The following GYPC variants were observed in gnomAD, a reference collection of about 807,000 sequenced individuals.
The protein encoded by GYPC is glycophorin-C.
A neutral mutation model predicts 12.6 loss-of-function variants in GYPC; 14 were observed. That is an observed-to-expected ratio of 1.11 (90% CI 0.74 to 1.74). GYPC has a LOEUF of 1.74. Ranked by LOEUF, GYPC falls within the 40% of genes most tolerant of loss-of-function variation. The pLI, the probability that GYPC is intolerant of heterozygous loss-of-function variation, is 0.00. For synonymous variants in GYPC, 78 were observed against 62.1 expected, an observed-to-expected ratio of 1.26 and a Z score of -1.20; for missense variants, 225 against 172.1, an observed-to-expected ratio of 1.31 and a Z score of -1.72.
intron 1 of GYPC, among the ~76,000 whole-genome samples, chr2:126,681,471 A>G (rs1035280704): frequency 2.6e-5 from 4 of 152,218 alleles, no homozygotes; most frequent in African/African-American, 4.8e-5. Context: ...TTCCTGTTCC[A>G]GATTGTTTCT....
chr2:126,688,732 C>G (rs1224941957), intron 1 of GYPC, among the ~76,000 whole-genome samples: 1 of 152,060 alleles, frequency 6.6e-6, no homozygotes, highest in African/African-American at 2.4e-5. Context: ...TGCTGTGGAC[C>G]CCTAGCTGGG....
Position 126,680,193 on chromosome 2 carries a change from G to A in GYPC, c.50-10062G>A, listed in dbSNP as rs566330016. 4.6e-5 allele frequency: 7 copies of A among 152,286 alleles called. No homozygotes were observed. In the East Asian group the frequency reaches 1.3e-3, roughly 29 times the overall value. 9.4% of individuals were successfully genotyped at this position (152,286 alleles called of 1,614,324 possible). A position where few individuals can be genotyped will look rare whatever the true frequency, so the allele number is the denominator to read the frequency against. On this transcript the variant is annotated intron_variant, in intron 1 of 3. Transcript: ENST00000259254. ...AAAACTGTGGAGCCAAATTGTTAAT[G>A]AAAGAAAGATTCATTATATCTTGGA...
At chr2:126,694,981 C>T (rs923067970) in intron 3 of GYPC, among the ~76,000 whole-genome samples, 21 of 152,158 alleles carry the variant, frequency 1.4e-4, no homozygotes, top group African/African-American at 3.4e-4. Context: ...GACCGCCCCT[C>T]GCACAGCCAC....
chr2:126,685,087 C>A (rs112439835), intron 1 of GYPC, among the ~76,000 whole-genome samples: 1 of 152,174 alleles, frequency 6.6e-6, no homozygotes. Context: ...CTGTACACTG[C>A]GTCTTTTCCG....
chr2:126,681,620 T>C (rs550385807), intron 1 of GYPC, among the ~76,000 whole-genome samples: 7 of 152,080 alleles, frequency 4.6e-5, no homozygotes, highest in Non-Finnish European at 8.8e-5. Flanking sequence ...AATATTCAAA[T>C]AGCCTGACCT....
At chr2:126,692,959 T>G (rs1352850959) in intron 2 of GYPC, among the ~76,000 whole-genome samples, 2 of 152,182 alleles carry the variant, frequency 1.3e-5, no homozygotes, top group Non-Finnish European at 2.9e-5. Context: ...GATGGGCCAT[T>G]AACACCAGGC....
chr2:126,687,364 T>C (rs969997952), intron 1 of GYPC, among the ~76,000 whole-genome samples: 1 of 152,222 alleles, frequency 6.6e-6, no homozygotes, highest in African/African-American at 2.4e-5. Context: ...CCTAGTGTTT[T>C]TCTTCAGTAG....
chr2:126,680,540 C>G (rs1683124711), intron 1 of GYPC: 1 of 152,228 alleles, frequency 6.6e-6, no homozygotes, highest in Non-Finnish European at 1.5e-5. Context: ...GAAGCAAAGT[C>G]TGTGGCCAGC....
chr2:126,665,298 G>A (rs887675357), intron 1 of GYPC, among the ~76,000 whole-genome samples: 2 of 152,148 alleles, frequency 1.3e-5, no homozygotes, highest in African/African-American at 4.8e-5. Context: ...TATAGAGTAC[G>A]TTGTTACAAT....
intron 1 of GYPC, among the ~76,000 whole-genome samples, chr2:126,680,756 A>C (rs1405407216): frequency 6.6e-6 from 1 of 152,224 alleles, no homozygotes; most frequent in Non-Finnish European, 1.5e-5. Context: ...CACAACATGC[A>C]TGTCTTTCTT....
intron 1 of GYPC, among the ~76,000 whole-genome samples, chr2:126,663,950 GTC>G (rs61649506): frequency 0.022 from 2,809 of 129,500 alleles, 70 homozygotes; most frequent in East Asian, 0.059. Flanking sequence ...TAAGGTTCTG[GTC>G]TCTCTCTCTC....
chr2:126,667,932 G>A (rs1324455100), intron 1 of GYPC, among the ~76,000 whole-genome samples: 1 of 152,150 alleles, frequency 6.6e-6, no homozygotes, highest in Non-Finnish European at 1.5e-5. Context: ...TCTTCAAAGG[G>A]GCTTCAGCCT....
At chr2:126,677,151 T>G (rs1180661979) in intron 1 of GYPC, among the ~76,000 whole-genome samples, 5 of 152,292 alleles carry the variant, frequency 3.3e-5, no homozygotes, top group African/African-American at 1.2e-4. Context: ...TGTGCACCTG[T>G]CTGTGCATAT....
chr2:126,656,680 A>G (rs1682367524), intron 1 of GYPC, among the ~76,000 whole-genome samples: 1 of 152,188 alleles, frequency 6.6e-6, no homozygotes, highest in Non-Finnish European at 1.5e-5. Context: ...AGTTCACATC[A>G]CAAGTTGCTT....
intron 1 of GYPC, among the ~76,000 whole-genome samples, chr2:126,676,236 G>T (rs1265593150): frequency 6.6e-6 from 1 of 152,218 alleles, no homozygotes; most frequent in African/African-American, 2.4e-5. Context: ...AGAGTAGATT[G>T]TGTTTGTGCT....
At chr2:126,692,955 C>G (rs1683517442) in intron 2 of GYPC, among the ~76,000 whole-genome samples, 1 of 152,124 alleles carries the variant, frequency 6.6e-6, no homozygotes, top group Non-Finnish European at 1.5e-5. Context: ...GTGAGATGGG[C>G]CATTAACACC....
chr2:126,668,782 C>G (rs1682757090), intron 1 of GYPC, among the ~76,000 whole-genome samples: 1 of 152,176 alleles, frequency 6.6e-6, no homozygotes, highest in East Asian at 1.9e-4. Flanking sequence ...TGCCGTCAGT[C>G]CTCAGAATTG....
intron 1 of GYPC, chr2:126,658,332 A>G (rs1019998895): frequency 2.0e-5 from 3 of 152,218 alleles, no homozygotes; most frequent in Non-Finnish European, 2.9e-5. Flanking sequence ...ATTTCTGGGG[A>G]CTTGCAGAGC....
chr2:126,662,356 C>T (rs969440499), intron 1 of GYPC, among the ~76,000 whole-genome samples: 3 of 152,186 alleles, frequency 2.0e-5, no homozygotes, highest in Admixed American at 2.0e-4. Flanking sequence ...TACACACAGG[C>T]CTTAGCAATG....
Sources: gnomAD v4.1 joint callset for allele counts (sites outside exome capture counted in the v4.1 genomes callset) on GRCh38, gnomAD v4.1.1 for gene constraint, MANE v1.5 for transcripts, NCBI Gene and HGNC (gene_info 2026-07-23, HGNC 2026-07-21) for gene names.